HIVEP1: variants seen among roughly 807,000 people sequenced by gnomAD.
HIVEP1 encodes HIVEP zinc finger 1, also known as zinc finger protein 40.
Under a neutral mutation model 180.0 loss-of-function variants are expected in HIVEP1, and 36 were observed. The ratio of observed to expected loss-of-function variants is 0.20; its 90% CI spans 0.15 to 0.26. The LOEUF is 0.26. HIVEP1 is among the 10% of genes least tolerant of loss of function. HIVEP1 has a pLI of 1.00. For synonymous variants in HIVEP1, 1,239 were observed against 1,239.0 expected, an observed-to-expected ratio of 1.00 and a Z score of 0.00; for missense variants, 3,143 against 3,268.7, an observed-to-expected ratio of 0.96 and a Z score of 0.94.
At chr6:12,093,183 T>C (rs2113351670) in intron 3 of HIVEP1, among the ~76,000 whole-genome samples, 1 of 152,306 alleles carries the variant, frequency 6.6e-6, no homozygotes, top group South Asian at 2.1e-4. Flanking sequence ...GTCAAACATG[T>C]CTTCATTTGT....
At chr6:12,023,526 G>A (rs1054552060) in intron 2 of HIVEP1, among the ~76,000 whole-genome samples, 1 of 152,184 alleles carries the variant, frequency 6.6e-6, no homozygotes, top group Non-Finnish European at 1.5e-5. Flanking sequence ...AAGGAAATAA[G>A]TAATAATTTA....
At chr6:12,204,277 TC>T in the HIVEP1 span, among the ~76,000 whole-genome samples, 1 of 152,150 alleles carries the variant, frequency 6.6e-6, no homozygotes, top group Non-Finnish European at 1.5e-5. Context: ...ACAGAGTTTC[TC>T]TTGGGCTCAG....
rs1488280222 is a variant in HIVEP1, at chr6:12,123,444, C to T, written c.3649C>T (p.Arg1217Ter). ...AAGCTCCAGAAAGAGTCCAAGTGAA[C>T]GACATGTGTTAGGACAGCCCTCAAG... ...QESSRKSPSERHVLGQPSRLV... is the reference protein window; with the variant it reads ...QESSRKSPSE Residue 1217 changes from arginine to a stop codon, truncating the protein, a stop_gained, in exon 4 of 9, where the codon CGA becomes TGA. Transcript: ENST00000379388. LOFTEE classifies it high-confidence loss of function. 1.2e-6 allele frequency: 2 copies of T among 1,614,022 alleles called. No individual in the cohort carries two copies. The highest frequency in any genetic ancestry group is 1.7e-6 in the Non-Finnish European group (2 of 1,180,030).
chr6:12,182,447 A>G, the HIVEP1 span, among the ~76,000 whole-genome samples: 6 of 152,190 alleles, frequency 3.9e-5, no homozygotes, highest in African/African-American at 1.2e-4. Flanking sequence ...TGGTGACTCT[A>G]AGAGATCTAT....
chr6:12,209,969 T>C, the HIVEP1 span, among the ~76,000 whole-genome samples: 1 of 152,150 alleles, frequency 6.6e-6, no homozygotes, highest in Admixed American at 6.5e-5. Flanking sequence ...GGTGGTTATA[T>C]AGCCGGGTGT....
chr6:12,186,705 A>G, the HIVEP1 span, among the ~76,000 whole-genome samples: 1 of 152,208 alleles, frequency 6.6e-6, no homozygotes, highest in African/African-American at 2.4e-5. Context: ...AGCAGCTGCA[A>G]TATCCCATAT....
chr6:12,124,030 G>A lies in HIVEP1; in HGVS notation c.4235G>A (p.Arg1412Gln), dbSNP rs773217207. Residue 1412 changes from arginine (R) to glutamine (Q), a missense_variant, in exon 4 of 9, where the codon CGA becomes CAA. By Grantham distance (43) the Arg-to-Gln change is conservative. Transcript: ENST00000379388. Reference sequence around the variant, plus strand: ...TTGCAGCCTCCATCTTCACCTTCTCGAGTGGGAGTGACTGGGCATGTGCCT... The same window carrying A: ...TTGCAGCCTCCATCTTCACCTTCTCAAGTGGGAGTGACTGGGCATGTGCCT... Reference protein sequence around the residue: ...TELQPPSSPSRVGVTGHVPLL... With the variant: ...TELQPPSSPSQVGVTGHVPLL... The A allele has an allele frequency of 3.3e-5, 54 of 1,613,956 alleles. No homozygotes were observed. Among genetic ancestry groups the A allele is most frequent in the South Asian group, 5.5e-5 (5 of 91,060 alleles).
chr6:12,061,851 A>G (rs971432253), intron 2 of HIVEP1, among the ~76,000 whole-genome samples: 2 of 152,206 alleles, frequency 1.3e-5, no homozygotes, highest in African/African-American at 4.8e-5. Context: ...AAAATTTCTA[A>G]GTAAAAATCT....
At chr6:12,046,454 A>C (rs1770117508) in intron 2 of HIVEP1, among the ~76,000 whole-genome samples, 1 of 152,124 alleles carries the variant, frequency 6.6e-6, no homozygotes, top group Non-Finnish European at 1.5e-5. Context: ...CCCCCCTAGA[A>C]AGTGAATGTC....
At chr6:12,116,138 A>G (rs1366798740) in intron 3 of HIVEP1, among the ~76,000 whole-genome samples, 1 of 151,970 alleles carries the variant, frequency 6.6e-6, no homozygotes. Context: ...AGGTTTGATG[A>G]TTGTGCTCTT....
intron 2 of HIVEP1, among the ~76,000 whole-genome samples, chr6:12,023,487 C>T (rs755714803): frequency 2.8e-4 from 43 of 151,970 alleles, no homozygotes; most frequent in Non-Finnish European, 2.1e-4. Context: ...AAAACAAAAA[C>T]AAAAGAAATT....
At chr6:12,099,136 G>A (rs965191409) in intron 3 of HIVEP1, among the ~76,000 whole-genome samples, 2 of 151,724 alleles carry the variant, frequency 1.3e-5, no homozygotes, top group Non-Finnish European at 2.9e-5. Flanking sequence ...CGCTTTGGGA[G>A]TCCAGCCCAC....
At chr6:12,192,630 C>T in the HIVEP1 span, among the ~76,000 whole-genome samples, 1 of 152,156 alleles carries the variant, frequency 6.6e-6, no homozygotes, top group African/African-American at 2.4e-5. Context: ...TTTGCTCTCT[C>T]TTCTGCCGCC....
intron 2 of HIVEP1, among the ~76,000 whole-genome samples, chr6:12,050,541 A>C (rs1368056998): frequency 1.3e-5 from 2 of 151,714 alleles, no homozygotes; most frequent in African/African-American, 2.4e-5. Flanking sequence ...AGCCGAGATC[A>C]CGCCACTACA....
chr6:12,147,224 G>T (rs927978278), intron 7 of HIVEP1, among the ~76,000 whole-genome samples: 6 of 152,120 alleles, frequency 3.9e-5, no homozygotes, highest in African/African-American at 1.4e-4. Flanking sequence ...TATTCACTGG[G>T]CTTGGATACA....
chr6:12,172,964 A>G, the HIVEP1 span, among the ~76,000 whole-genome samples: 1 of 152,190 alleles, frequency 6.6e-6, no homozygotes, highest in African/African-American at 2.4e-5. Context: ...TAAATAATAG[A>G]TTTTGTAACC....
the HIVEP1 span, among the ~76,000 whole-genome samples, chr6:12,188,965 T>C: frequency 5.0e-4 from 76 of 152,112 alleles, 1 homozygote; most frequent in African/African-American, 1.8e-3. Flanking sequence ...CAGTTTATTA[T>C]TGACAAATAT....
chr6:12,037,703 T>G, intron 2 of HIVEP1: 2 of 404,102 alleles, frequency 4.9e-6, no homozygotes, highest in Non-Finnish European at 8.8e-6. Flanking sequence ...TTCTGTTTAT[T>G]GTTTTTTCCT....
chr6:12,016,479 A>G (rs932773469), intron 2 of HIVEP1, among the ~76,000 whole-genome samples: 1 of 152,254 alleles, frequency 6.6e-6, no homozygotes, highest in Non-Finnish European at 1.5e-5. Context: ...AAAATTCTGA[A>G]GCGTATGTAG....
Sources: gnomAD v4.1 joint callset for allele counts (sites outside exome capture counted in the v4.1 genomes callset) on GRCh38, gnomAD v4.1.1 for gene constraint, MANE v1.5 for transcripts, NCBI Gene and HGNC (gene_info 2026-07-23, HGNC 2026-07-21) for gene names.